Variants in ANOS1 observed in about 807,000 individuals in gnomAD.
ANOS1 encodes anosmin-1.
In ANOS1, 6 loss-of-function variants were observed where a neutral mutation model predicts 59.0. That is an observed-to-expected ratio of 0.10 (90% CI 0.06 to 0.20). ANOS1 has a LOEUF of 0.20. Among genes scored for constraint, ANOS1 ranks in the 10% least tolerant of loss-of-function variants. ANOS1 has a pLI of 1.00. For synonymous variants in ANOS1, 217 were observed against 223.4 expected (o/e 0.97, Z 0.25); for missense variants, 433 against 542.3 (o/e 0.80, Z 2.00).
At chrX:8,547,789 T>C (rs1245999253) in intron 9 of ANOS1, among the ~76,000 whole-genome samples, 1 of 111,729 alleles carries the variant, frequency 9.0e-6, no homozygotes, top group Non-Finnish European at 1.9e-5. Flanking sequence ...CGGTCTCGGC[T>C]CACTGCAACC....
At chrX:8,535,422 C>T (rs1313666929) in intron 12 of ANOS1, 169 bp downstream of exon 12, 1 of 473,696 alleles carries the variant, frequency 2.1e-6, no homozygotes, top group East Asian at 3.7e-5. Flanking sequence ...TATGCAGTCA[C>T]ATTTGTGATG....
intron 3 of ANOS1, among the ~76,000 whole-genome samples, 168 bp from the exon 4 acceptor site, chrX:8,597,424 G>T (rs908531650): frequency 9.0e-6 from 1 of 111,153 alleles, no homozygotes; most frequent in African/African-American, 3.3e-5. Context: ...GACATTTTGT[G>T]CTGATTTCTC....
Position 8,732,016 on chromosome X carries a change from G to GCCGGGCACC in ANOS1, c.12_20dup (p.Val5_Gly7dup). On this transcript the variant is annotated inframe_insertion, in exon 1 of 14. Transcript: ENST00000262648. The stretch of plus-strand genomic sequence containing the variant: ...GCCAGAGGCAGAGGGTCAGGACCGC[G>GCCGGGCACC]CCGGGCACCCCGGGCACCATGGCTG... The GCCGGGCACC allele has an allele frequency of 2.0e-6, 2 of 1,022,403 alleles. No individual in the cohort carries two copies. The highest frequency in any genetic ancestry group is 5.4e-5 in the Admixed American group (1 of 18,621). 84.3% of individuals were successfully genotyped at this position (1,022,403 alleles called of 1,213,427 possible). A position where few individuals can be genotyped will look rare whatever the true frequency, so the allele number is the denominator to read the frequency against.
At position 8,623,664 on chromosome X, in the gene ANOS1, C is replaced by G. The variant is rs1424214020; in HGVS notation, c.262G>C (p.Glu88Gln). Residue 88 changes from glutamate (E) to glutamine (Q), a missense_variant, in exon 3 of 14, where the codon GAG becomes CAG. Physicochemically the swap from Glu to Gln is conservative, Grantham distance 29. Transcript: ENST00000262648. ...AGGTCCCCTGATTCCTTGCAGGGCT[C>G]CAGGCACTGGAAGAGAGGAACAATA... ...QNHKQCSKCL[E>Q]PCKESGDLRK... The G allele has an allele frequency of 1.7e-6, 2 of 1,189,228 alleles. No individual in the cohort carries two copies. Among genetic ancestry groups the G allele is most frequent in the Admixed American group, 2.2e-5 (1 of 45,900 alleles).
At chrX:8,723,239 C>T (rs767048188) in intron 1 of ANOS1, among the ~76,000 whole-genome samples, 2 of 112,353 alleles carry the variant, frequency 1.8e-5, no homozygotes, top group Admixed American at 9.4e-5. Context: ...AGCTTTTGCG[C>T]GGCAAAAAGA....
At chrX:8,543,917 T>G (rs1329169686) in intron 9 of ANOS1, among the ~76,000 whole-genome samples, 1 of 110,871 alleles carries the variant, frequency 9.0e-6, no homozygotes, top group Non-Finnish European at 1.9e-5. Context: ...TGAAAGGCTG[T>G]ATCTGAAAAT....
intron 3 of ANOS1, among the ~76,000 whole-genome samples, chrX:8,605,190 C>T (rs1448228375): frequency 9.1e-6 from 1 of 110,329 alleles, no homozygotes; most frequent in African/African-American, 3.3e-5. Context: ...TGACTTCTGC[C>T]GCTGCTGCCC....
At chrX:8,621,013 C>T in intron 3 of ANOS1, among the ~76,000 whole-genome samples, 1 of 111,571 alleles carries the variant, frequency 9.0e-6, no homozygotes, top group East Asian at 2.8e-4. Flanking sequence ...AAATATCAGC[C>T]CAGAGTCACT....
chrX:8,634,414 G>A, intron 2 of ANOS1, among the ~76,000 whole-genome samples: 1 of 111,667 alleles, frequency 9.0e-6, no homozygotes, highest in East Asian at 2.8e-4. Flanking sequence ...GGTAAGTCTA[G>A]ATTGGGTCAA....
At position 8,617,361 on chromosome X, in the gene ANOS1, C is replaced by A. The variant is rs926293526; in HGVS notation, c.318+6247G>T. ...AAGTTTTGAGTGCAAGAAATCCCCA[C>A]AGGAGAGGCATGTTAACCCTTTTAC... is the stretch of plus-strand genomic sequence containing the variant. On this transcript the variant is annotated intron_variant, in intron 3 of 13. Transcript: ENST00000262648. Among the ~76,000 whole-genome samples, 4 of 112,328 alleles carry A rather than the reference C, an allele frequency of 3.6e-5. No individual in the cohort carries two copies. The East Asian group carries it at 1.1e-3, about 32-fold the overall frequency.
Position 8,660,649 on chromosome X carries a change from T to G in ANOS1, c.256-36979A>C, listed in dbSNP as rs1476191082. Among the ~76,000 whole-genome samples the G allele has an allele frequency of 2.7e-5, 3 of 111,678 alleles. No individual in the cohort carries two copies. In the East Asian group the frequency reaches 8.4e-4, roughly 31 times the overall value. On this transcript the variant is annotated intron_variant, in intron 2 of 13. Transcript: ENST00000262648. ...AATTTTTAAAAAAGAGAAATGCATA[T>G]AGACTTTAACCCAAAACTATGATAT...
chrX:8,672,727 C>T (rs917596057), intron 2 of ANOS1, among the ~76,000 whole-genome samples: 6 of 111,690 alleles, frequency 5.4e-5, no homozygotes, highest in Non-Finnish European at 7.5e-5. Context: ...CTAGGGTGTT[C>T]GACCTGAACA....
intron 3 of ANOS1, among the ~76,000 whole-genome samples, chrX:8,614,785 C>A (rs1044439421): frequency 1.3e-4 from 8 of 62,348 alleles, no homozygotes; most frequent in African/African-American, 2.5e-4. Context: ...AATCTCCAGT[C>A]TTGGTCCCAT....
Position 8,536,830 on chromosome X carries a change from G to A in ANOS1, c.1562C>T (p.Pro521Leu). The change falls in exon 11 of 14, where the codon CCA becomes CTA. Residue 521 changes from proline to leucine, a missense_variant. Transcript: ENST00000262648. ...SKAEAVFFTTPPCSALKGKSH... is the reference protein window; with the variant it reads ...SKAEAVFFTTLPCSALKGKSH... ...CTTCCCCTTAAGAGCAGAGCATGGT[G>A]GAGTAGTGAAGAAAACAGCTTCTGC... 1 of 1,209,292 alleles carries A rather than the reference G, an allele frequency of 8.3e-7. No individual in the cohort carries two copies.
chrX:8,665,921 A>G (rs1187771807), intron 2 of ANOS1, among the ~76,000 whole-genome samples: 2 of 112,103 alleles, frequency 1.8e-5, no homozygotes, highest in African/African-American at 6.5e-5. Flanking sequence ...GAAGAGAAAG[A>G]CCAGACTTGG....
intron 2 of ANOS1, among the ~76,000 whole-genome samples, chrX:8,668,430 T>TATATATATATATAC (rs1394731479): frequency 2.5e-4 from 20 of 80,226 alleles, no homozygotes; most frequent in Non-Finnish European, 3.0e-4. Context: ...TATATATATA[T>TATATATATATATAC]ACACACACAT....
At chrX:8,597,012 C>G in intron 4 of ANOS1, 22 bp downstream of exon 4, 1 of 1,211,290 alleles carries the variant, frequency 8.3e-7, no homozygotes, top group Non-Finnish European at 1.1e-6. Context: ...TGTGTCTTCA[C>G]ACCCCCAGTG....
intron 7 of ANOS1, among the ~76,000 whole-genome samples, chrX:8,569,581 G>T (rs1930189569): frequency 8.9e-6 from 1 of 112,005 alleles, no homozygotes; most frequent in Non-Finnish European, 1.9e-5. Flanking sequence ...GGCGGAGCTT[G>T]CAGTGAGCCG....
At chrX:8,710,145 T>C (rs1389242129) in intron 1 of ANOS1, among the ~76,000 whole-genome samples, 1 of 111,346 alleles carries the variant, frequency 9.0e-6, no homozygotes, top group Non-Finnish European at 1.9e-5. Context: ...CTAGCCAGGA[T>C]GGTCTCGATC....
Sources: allele counts gnomAD v4.1 joint callset (sites outside exome capture counted in the v4.1 genomes callset), GRCh38; gene constraint gnomAD v4.1.1; transcripts MANE v1.5; gene names NCBI Gene and HGNC (gene_info 2026-07-23, HGNC 2026-07-21).